ZNF431: variants seen among roughly 807,000 people sequenced by gnomAD.
ZNF431 encodes the protein zinc finger protein 431.
A neutral mutation model predicts 57.0 loss-of-function variants in ZNF431; 34 were observed. The observed-to-expected ratio is 0.60, with a 90% CI of 0.45 to 0.79. The LOEUF (loss-of-function observed/expected upper bound fraction) is 0.79, where lower values mean the gene tolerates loss of function less well. ZNF431 is among the 30% of genes least tolerant of loss of function. The pLI is 0.00. For synonymous variants in ZNF431, 207 were observed against 220.3 expected, an observed-to-expected ratio of 0.94 and a Z score of 0.54; for missense variants, 607 against 667.1, an observed-to-expected ratio of 0.91 and a Z score of 0.99.
intron 2 of ZNF431, chr19:21,149,731 TCCCTC>T (rs1177168013): frequency 8.1e-6 from 5 of 614,758 alleles, no homozygotes; most frequent in Non-Finnish European, 1.5e-5. Flanking sequence ...CCCAGGGCCT[TCCCTC>T]CCCAGTGATG....
intron 2 of ZNF431, among the ~76,000 whole-genome samples, chr19:21,147,127 T>C (rs1263270138): frequency 6.6e-6 from 1 of 152,230 alleles, no homozygotes; most frequent in Non-Finnish European, 1.5e-5. Context: ...CAGTTCTCCA[T>C]GTATACTGAA....
intron 2 of ZNF431, among the ~76,000 whole-genome samples, chr19:21,159,772 A>C (rs1301754521): frequency 6.6e-6 from 1 of 152,172 alleles, no homozygotes; most frequent in Non-Finnish European, 1.5e-5. Flanking sequence ...ATCAGGTAGA[A>C]TTCACCTGCA....
intron 4 of ZNF431, among the ~76,000 whole-genome samples, chr19:21,172,308 A>G (rs1970923023): frequency 6.6e-6 from 1 of 150,910 alleles, no homozygotes; most frequent in African/African-American, 2.4e-5. Flanking sequence ...TATGTGTGTA[A>G]TTTGAGCTAT....
At chr19:21,156,697 T>C (rs1232381038) in intron 2 of ZNF431, among the ~76,000 whole-genome samples, 9 of 10,308 alleles carry the variant, frequency 8.7e-4, no homozygotes, top group Non-Finnish European at 4.4e-3. Context: ...CTTAATCTTG[T>C]TTTTTTTTTT....
intron 2 of ZNF431, among the ~76,000 whole-genome samples, chr19:21,145,610 C>T (rs747724958): frequency 2.6e-5 from 4 of 152,096 alleles, no homozygotes; most frequent in Non-Finnish European, 5.9e-5. Flanking sequence ...AGCTGGGGAC[C>T]CACAGGCAAA....
rs180952225 is a variant in ZNF431, at chr19:21,195,636, C to T, written c.*11602C>T. ...TATTGAATTCTGCATTTTTTTCTTC[C>T]TTGATACGTATGAGATTCACCAGTA... is the stretch of plus-strand genomic sequence containing the variant. On this transcript the variant is annotated 3_prime_UTR_variant, in exon 5 of 5. Coordinates refer to ENST00000311048, the MANE Select transcript of ZNF431 (RefSeq NM_133473.4). 96 of 152,110 alleles carry T rather than the reference C, an allele frequency of 6.3e-4. No individual in the cohort carries two copies. The highest frequency in any genetic ancestry group is 3.4e-3 in the Middle Eastern group (1 of 290). The allele number at this position is 152,110 out of a possible 1,614,324, so 9.4% of individuals were successfully genotyped here.
rs919162980 is a variant in ZNF431, at chr19:21,184,137, G to A, written c.*103G>A. ...GAGGCTGAGGTGGGTGGATCACAAGGTCAAGAGATCGAGACCATCCTGGCC... is the reference window on the plus strand; with the variant it reads ...GAGGCTGAGGTGGGTGGATCACAAGATCAAGAGATCGAGACCATCCTGGCC... On this transcript the variant is annotated 3_prime_UTR_variant, in exon 5 of 5. Coordinates refer to ENST00000311048, the MANE Select transcript of ZNF431 (RefSeq NM_133473.4). 24 of 1,013,996 alleles carry A rather than the reference G, an allele frequency of 2.4e-5. No individual in the cohort carries two copies. The highest frequency in any genetic ancestry group is 3.4e-5 in the Non-Finnish European group (24 of 703,436). The allele number at this position is 1,013,996 out of a possible 1,614,324, so 62.8% of individuals were successfully genotyped here. A position where few individuals can be genotyped will look rare whatever the true frequency, so the allele number is the denominator to read the frequency against.
chr19:21,172,820 G>T (rs761696921), intron 4 of ZNF431, among the ~76,000 whole-genome samples: 7 of 152,102 alleles, frequency 4.6e-5, no homozygotes, highest in Non-Finnish European at 8.8e-5. Context: ...ACATTTCAGG[G>T]ATGTTAAATA....
In ZNF431 at chr19:21,189,803, A is replaced by T. The variant is rs1971467749; in HGVS notation, c.*5769A>T. The T allele has an allele frequency of 5.0e-6, 2 of 396,872 alleles. No homozygotes were observed. The highest frequency in any genetic ancestry group is 4.1e-5 in the African/African-American group (2 of 48,556). 24.6% of individuals were successfully genotyped at this position (396,872 alleles called of 1,614,324 possible). ...TTCTGTGCCTTGCTTATCCCAACTA[A>T]TACAATGTCCTCCAACTTCATCCAT... On this transcript the variant is annotated 3_prime_UTR_variant, in exon 5 of 5. Coordinates refer to ENST00000311048, the MANE Select transcript of ZNF431 (RefSeq NM_133473.4).
At chr19:21,166,523 G>A in intron 3 of ZNF431, 62 bp downstream of exon 3, 1 of 1,521,442 alleles carries the variant, frequency 6.6e-7, no homozygotes, top group East Asian at 2.4e-5. Context: ...CTCTTTTTTT[G>A]TAGAATTTTT....
intron 4 of ZNF431, among the ~76,000 whole-genome samples, chr19:21,181,271 G>T (rs1387745444): frequency 6.6e-6 from 1 of 152,086 alleles, no homozygotes. Context: ...TATATGTAAG[G>T]CATATGAAAA....
intron 1 of ZNF431, 42 bp downstream of exon 1, chr19:21,142,228 T>C: frequency 1.2e-6 from 2 of 1,612,912 alleles, no homozygotes; most frequent in Non-Finnish European, 1.7e-6. Context: ...GGGGAAGGGC[T>C]GGTTGTAACC....
In ZNF431 at chr19:21,190,608, C is replaced by A. The variant is rs1433239602; in HGVS notation, c.*6574C>A. Reference sequence around the variant, plus strand: ...AACATTGAGCATTTAAAAATATATCCGTTGGACATATGTATGACTTTTCTT... The same window carrying A: ...AACATTGAGCATTTAAAAATATATCAGTTGGACATATGTATGACTTTTCTT... On this transcript the variant is annotated 3_prime_UTR_variant, in exon 5 of 5. Coordinates refer to ENST00000311048, the MANE Select transcript of ZNF431 (RefSeq NM_133473.4). 6.7e-6 allele frequency: 1 copy of A among 150,186 alleles called. No homozygotes were observed. The highest frequency in any genetic ancestry group is 1.5e-5 in the Non-Finnish European group (1 of 67,768). The allele number at this position is 150,186 out of a possible 1,614,324, so 9.3% of individuals were successfully genotyped here.
At chr19:21,154,195 G>T (rs1026654515) in intron 2 of ZNF431, among the ~76,000 whole-genome samples, 9 of 152,028 alleles carry the variant, frequency 5.9e-5, no homozygotes, top group African/African-American at 2.2e-4. Context: ...ACAGGCCCCA[G>T]TGTGTGATGT....
intron 2 of ZNF431, chr19:21,162,668 G>A (rs542548186): frequency 1.0e-6 from 1 of 973,464 alleles, no homozygotes; most frequent in Admixed American, 6.2e-5. Flanking sequence ...GCATCACAAA[G>A]CTGATTTAAA....
In ZNF431 at chr19:21,189,964, A is replaced by G; in HGVS notation, c.*5930A>G. On this transcript the variant is annotated 3_prime_UTR_variant, in exon 5 of 5. Transcript: ENST00000311048. ...TTTGAGACCAGCCTGGACAACGTGGAAAAACCCCATCTCTACTAAAAATAC... is the reference window on the plus strand; with the variant it reads ...TTTGAGACCAGCCTGGACAACGTGGGAAAACCCCATCTCTACTAAAAATAC... 1 of 397,344 alleles carries G rather than the reference A, an allele frequency of 2.5e-6. No homozygotes were observed. The highest frequency in any genetic ancestry group is 4.4e-6 in the Non-Finnish European group (1 of 225,776). 24.6% of individuals were successfully genotyped at this position (397,344 alleles called of 1,614,324 possible).
intron 2 of ZNF431, among the ~76,000 whole-genome samples, chr19:21,160,080 C>T (rs1207610627): frequency 6.7e-6 from 1 of 149,630 alleles, no homozygotes. Context: ...CTTGATGTAA[C>T]ACCCAAGGAT....
At chr19:21,147,968 T>A (rs1970150609) in intron 2 of ZNF431, among the ~76,000 whole-genome samples, 1 of 152,142 alleles carries the variant, frequency 6.6e-6, no homozygotes, top group Admixed American at 6.6e-5. Flanking sequence ...GTATGATTTA[T>A]GTCAAACCCA....
intron 2 of ZNF431, chr19:21,149,675 A>T: frequency 1.8e-6 from 1 of 559,938 alleles, no homozygotes; most frequent in Non-Finnish European, 3.4e-6. Flanking sequence ...CAAGTTCTTT[A>T]GTCTTTGCCT....
Sources: gnomAD v4.1 joint callset for allele counts (sites outside exome capture counted in the v4.1 genomes callset) on GRCh38, gnomAD v4.1.1 for gene constraint, MANE v1.5 for transcripts, NCBI Gene and HGNC (gene_info 2026-07-23, HGNC 2026-07-21) for gene names.